SASH1: variants seen among roughly 807,000 people sequenced by gnomAD.
The protein encoded by SASH1 is SAM and SH3 domain containing 1, also known as SAM and SH3 domain-containing protein 1.
A neutral mutation model predicts 125.2 loss-of-function variants in SASH1; 44 were observed. That is an observed-to-expected ratio of 0.35 (90% CI 0.28 to 0.45). The LOEUF (loss-of-function observed/expected upper bound fraction) is 0.45, where lower values mean the gene tolerates loss of function less well. Among genes scored for constraint, SASH1 ranks in the 20% least tolerant of loss-of-function variants. The pLI, the probability that SASH1 is intolerant of heterozygous loss-of-function variation, is 1.00. For missense variants in SASH1, 1,426 were observed against 1,614.5 expected, an observed-to-expected ratio of 0.88 and a Z score of 2.00; for synonymous variants, 639 against 649.1, an observed-to-expected ratio of 0.98 and a Z score of 0.24.
At chr6:148,391,870 C>T (rs1783741544) in intron 2 of SASH1, among the ~76,000 whole-genome samples, 1 of 152,158 alleles carries the variant, frequency 6.6e-6, no homozygotes, top group African/African-American at 2.4e-5. Flanking sequence ...GGGGTTGAGG[C>T]AGAAGAAAAT....
the SASH1 span, among the ~76,000 whole-genome samples, chr6:148,221,779 G>A: frequency 1.3e-5 from 2 of 152,208 alleles, no homozygotes; most frequent in African/African-American, 4.8e-5. Context: ...ACTGATAACA[G>A]TGGTGAAGAG....
At chr6:148,524,604 T>C (rs1417662194) in intron 10 of SASH1, 2 of 152,304 alleles carry the variant, frequency 1.3e-5, no homozygotes, top group East Asian at 3.9e-4. Flanking sequence ...GAATCAACCG[T>C]TTTCTTTCTG....
At chr6:148,234,361 T>C in the SASH1 span, among the ~76,000 whole-genome samples, 1 of 152,072 alleles carries the variant, frequency 6.6e-6, no homozygotes, top group Non-Finnish European at 1.5e-5. Flanking sequence ...GTGTTAAGTT[T>C]GAATGTCATT....
chr6:148,322,116 C>T (rs1451452670), intron 1 of SASH1, among the ~76,000 whole-genome samples: 7 of 152,102 alleles, frequency 4.6e-5, no homozygotes, highest in African/African-American at 1.2e-4. Flanking sequence ...TTTGGGAGGC[C>T]GAGGCAAGCA....
At chr6:148,319,279 C>A (rs927165336) in intron 1 of SASH1, among the ~76,000 whole-genome samples, 1 of 151,856 alleles carries the variant, frequency 6.6e-6, no homozygotes, top group Non-Finnish European at 1.5e-5. Context: ...TCATGATCCA[C>A]CCGCCTCTGC....
rs1583348357 is a variant in SASH1, at chr6:148,549,416, T to TGCGTGCGC, written c.*860_*867dup. The TGCGTGCGC allele has an allele frequency of 5.1e-6, 2 of 391,552 alleles. No homozygotes were observed. Among genetic ancestry groups the TGCGTGCGC allele is most frequent in the East Asian group, 7.2e-5 (2 of 27,780 alleles). 24.3% of individuals were successfully genotyped at this position (391,552 alleles called of 1,614,324 possible). A position where few individuals can be genotyped will look rare whatever the true frequency, so the allele number is the denominator to read the frequency against. Reference sequence around the variant, plus strand: ...CACAAATATCATGTGTGTGCGTGCGTGCGTGCGCGTGTGTGTCTGTATTCA... The same window carrying TGCGTGCGC: ...CACAAATATCATGTGTGTGCGTGCGTGCGTGCGCGCGTGCGCGTGTGTGTCTGTATTCA... On this transcript the variant is annotated 3_prime_UTR_variant, in exon 20 of 20. Coordinates refer to ENST00000367467, the MANE Select transcript of SASH1 (RefSeq NM_015278.5).
Position 148,390,235 on chromosome 6 carries a change from A to G in SASH1, c.258A>G (p.Lys86=), listed in dbSNP as rs200385590. The change falls in exon 2 of 20, where the codon AAA becomes AAG. Residue 86 remains lysine, a synonymous_variant. Transcript: ENST00000367467. Reference sequence around the variant, plus strand: ...GCGAGAGGATGGAGGAGCTGCGGAAACGGCGGGTTTCCCAGGACCTGGAAG... The same window carrying G: ...GCGAGAGGATGGAGGAGCTGCGGAAGCGGCGGGTTTCCCAGGACCTGGAAG... The part of the protein sequence containing the change: ...DVCERMEELR[K]RRVSQDLEVE... 1.4e-3 allele frequency: 2,270 copies of G among 1,612,148 alleles called. 4 individuals are homozygous for G. Among genetic ancestry groups the G allele is most frequent in the Non-Finnish European group, 1.8e-3 (2,109 of 1,179,500 alleles).
chr6:148,300,572 C>A (rs1464275135), intron 1 of SASH1, among the ~76,000 whole-genome samples: 1 of 151,778 alleles, frequency 6.6e-6, no homozygotes, highest in Non-Finnish European at 1.5e-5. Context: ...CCTCAGCCTC[C>A]CCAGTAGCTG....
chr6:148,382,279 C>T (rs911135183), intron 1 of SASH1, among the ~76,000 whole-genome samples: 7 of 152,096 alleles, frequency 4.6e-5, no homozygotes, highest in African/African-American at 9.7e-5. Context: ...TCTGTGTCCT[C>T]GGCCATGTGT....
the SASH1 span, among the ~76,000 whole-genome samples, chr6:148,228,658 C>T: frequency 6.6e-6 from 1 of 152,188 alleles, no homozygotes; most frequent in Non-Finnish European, 1.5e-5. Flanking sequence ...GAGCCATTAC[C>T]AAGGTGTTCT....
intron 8 of SASH1, 36 bp from the exon 9 acceptor site, chr6:148,514,288 T>A (rs758717467): frequency 6.3e-7 from 1 of 1,585,602 alleles, no homozygotes; most frequent in Non-Finnish European, 8.6e-7. Flanking sequence ...CTCGGAGCAA[T>A]TACCTGATTA....
intron 7 of SASH1, among the ~76,000 whole-genome samples, chr6:148,485,281 A>G (rs761279145): frequency 2.0e-5 from 3 of 152,158 alleles, no homozygotes; most frequent in Non-Finnish European, 2.9e-5. Context: ...TTCACAGGCC[A>G]ATATATCAAA....
chr6:148,413,676 A>G (rs1474615809), intron 2 of SASH1, among the ~76,000 whole-genome samples: 1 of 152,156 alleles, frequency 6.6e-6, no homozygotes, highest in Non-Finnish European at 1.5e-5. Context: ...GAGGCCGTTG[A>G]TGTAGAACAT....
At chr6:148,267,509 G>A (rs576549624), upstream of SASH1, among the ~76,000 whole-genome samples, 9 of 152,080 alleles carry the variant, frequency 5.9e-5, no homozygotes, top group Admixed American at 1.3e-4. Flanking sequence ...CTCCCGAGTA[G>A]CTGGGACTAC....
chr6:148,318,187 A>C (rs183082376), intron 1 of SASH1, among the ~76,000 whole-genome samples: 110 of 152,322 alleles, frequency 7.2e-4, no homozygotes, highest in Non-Finnish European at 1.2e-3. Context: ...TCTGGCTGGC[A>C]TTGAATTTGT....
chr6:148,292,697 C>T (rs1452338932), intron 1 of SASH1, among the ~76,000 whole-genome samples: 1 of 152,070 alleles, frequency 6.6e-6, no homozygotes, highest in Non-Finnish European at 1.5e-5. Context: ...CAGGGCAGAG[C>T]AAGGGAAGAG....
upstream of SASH1, among the ~76,000 whole-genome samples, chr6:148,339,012 A>AG (rs1171984076): frequency 6.7e-6 from 1 of 150,202 alleles, no homozygotes; most frequent in East Asian, 1.9e-4. Flanking sequence ...TTTAAAAAAA[A>AG]AAAAAAAAAA....
rs368868623 is a variant in SASH1, at chr6:148,440,426, G to A, written c.386+19G>A. 4 of 1,611,422 alleles carry A rather than the reference G, an allele frequency of 2.5e-6. No individual in the cohort carries two copies. The highest frequency in any genetic ancestry group is 2.7e-5 in the African/African-American group (2 of 74,924). ...AAAGAAAGTAAGTCTTTCTCCCTCT[G>A]CCCAGGACCACCTTCCAAGAAGGTG... On this transcript the variant is annotated intron_variant, in intron 4 of 19. Transcript: ENST00000367467.
intron 1 of SASH1, among the ~76,000 whole-genome samples, chr6:148,352,735 G>T (rs1781779425): frequency 6.6e-6 from 1 of 152,086 alleles, no homozygotes; most frequent in Admixed American, 6.6e-5. Context: ...ACTTTGGGAG[G>T]CCGAGGCAGG....
Sources: gnomAD v4.1 joint callset for allele counts (sites outside exome capture counted in the v4.1 genomes callset) on GRCh38, gnomAD v4.1.1 for gene constraint, MANE v1.5 for transcripts, NCBI Gene and HGNC (gene_info 2026-07-23, HGNC 2026-07-21) for gene names.